The following LYRM4 variants were observed in gnomAD, a reference collection of about 807,000 sequenced individuals.
LYRM4 encodes LYR motif containing 4.
In LYRM4, 9 loss-of-function variants were observed where a neutral mutation model predicts 11.7. That is an observed-to-expected ratio of 0.77 (90% CI 0.46 to 1.34). The LOEUF (loss-of-function observed/expected upper bound fraction) is 1.34, where lower values mean the gene tolerates loss of function less well. LYRM4 is among the 40% of genes most tolerant of loss of function. The pLI is 0.00. For synonymous variants in LYRM4, 42 were observed against 40.4 expected, an observed-to-expected ratio of 1.04 and a Z score of -0.15; for missense variants, 133 against 112.5, an observed-to-expected ratio of 1.18 and a Z score of -0.82.
At chr6:5,102,494 C>G (rs147818163), downstream of LYRM4, 1 of 152,264 alleles carries the variant, frequency 6.6e-6, no homozygotes, top group East Asian at 1.9e-4. Flanking sequence ...ACAGGAAGTT[C>G]TAGTGAAATG....
rs1355503215 is a variant in LYRM4 at position 5,163,052 on chromosome 6, AAT to A, written c.208-53563_208-53562del. Among the ~76,000 whole-genome samples the A allele has an allele frequency of 3.3e-5, 5 of 152,134 alleles. No homozygotes were observed. In the East Asian group the frequency reaches 9.6e-4, roughly 29 times the overall value. On this transcript the variant is annotated intron_variant, in intron 2 of 2. Transcript: ENST00000330636. ...CATTCTACTTTTTCATTCTCTCAATAATAGTTACTCTGATACCATAATTTTAA... is the reference window on the plus strand; with the variant it reads ...CATTCTACTTTTTCATTCTCTCAATAAGTTACTCTGATACCATAATTTTAA...
chr6:5,166,528 A>G (rs1163603500), intron 2 of LYRM4, among the ~76,000 whole-genome samples: 2 of 152,232 alleles, frequency 1.3e-5, no homozygotes, highest in Non-Finnish European at 2.9e-5. Flanking sequence ...GCCTTTTCCT[A>G]CTTGTCCTAT....
At chr6:5,230,130 G>C (rs954126397) in intron 1 of LYRM4, among the ~76,000 whole-genome samples, 1 of 152,124 alleles carries the variant, frequency 6.6e-6, no homozygotes, top group Non-Finnish European at 1.5e-5. Context: ...TTTTTTGTTG[G>C]GTTTTAGACG....
At chr6:5,175,896 A>T (rs943916610) in intron 2 of LYRM4, among the ~76,000 whole-genome samples, 3 of 152,076 alleles carry the variant, frequency 2.0e-5, no homozygotes, top group African/African-American at 7.2e-5. Flanking sequence ...GCTGCTGCTG[A>T]TCCTGGCCTA....
At chr6:5,202,974 C>G (rs1404968430) in intron 2 of LYRM4, among the ~76,000 whole-genome samples, 1 of 152,106 alleles carries the variant, frequency 6.6e-6, no homozygotes, top group Non-Finnish European at 1.5e-5. Context: ...CAGCCCTAGT[C>G]TCCAAGGAGA....
At position 5,109,392 on chromosome 6, in the gene LYRM4, T is replaced by C. The variant is rs904668148; in HGVS notation, c.*31A>G. ...GAGAGTGGATGCTGAAGGTGGTCCCTGGCCGCCACTGGTGGCTGGTCCCCG... is the reference window on the plus strand; with the variant it reads ...GAGAGTGGATGCTGAAGGTGGTCCCCGGCCGCCACTGGTGGCTGGTCCCCG... On this transcript the variant is annotated 3_prime_UTR_variant, in exon 3 of 3. Transcript: ENST00000330636. 1.2e-6 allele frequency: 2 copies of C among 1,613,546 alleles called. No individual in the cohort carries two copies. The highest frequency in any genetic ancestry group is 1.3e-5 in the African/African-American group (1 of 74,932).
chr6:5,139,042 T>A (rs17139533), intron 2 of LYRM4, among the ~76,000 whole-genome samples: 16,806 of 152,312 alleles, frequency 0.11, 1,051 homozygotes, highest in South Asian at 0.23. Context: ...TACTATGTTC[T>A]AGGCACTTAT....
At chr6:5,166,621 T>G (rs1759102852) in intron 2 of LYRM4, among the ~76,000 whole-genome samples, 1 of 152,102 alleles carries the variant, frequency 6.6e-6, no homozygotes, top group Non-Finnish European at 1.5e-5. Context: ...TTGGGATGTA[T>G]ATTATCATCA....
intron 2 of LYRM4, among the ~76,000 whole-genome samples, chr6:5,180,514 G>A (rs1760006934): frequency 6.6e-6 from 1 of 152,136 alleles, no homozygotes; most frequent in African/African-American, 2.4e-5. Context: ...GTTGCAGCTT[G>A]GATCTCACCA....
the LYRM4 span, among the ~76,000 whole-genome samples, chr6:5,081,581 G>C: frequency 6.6e-6 from 1 of 152,110 alleles, no homozygotes; most frequent in Admixed American, 6.6e-5. Flanking sequence ...GCTCAGTCCT[G>C]GGCCCTCTTC....
At chr6:5,225,241 C>A (rs1762811933) in intron 1 of LYRM4, among the ~76,000 whole-genome samples, 1 of 134,888 alleles carries the variant, frequency 7.4e-6, no homozygotes, top group African/African-American at 2.9e-5. Flanking sequence ...GAGCAAGACT[C>A]CGAATCAAAA....
the LYRM4 span, among the ~76,000 whole-genome samples, chr6:5,079,771 G>GAA: frequency 6.6e-6 from 1 of 152,222 alleles, no homozygotes; most frequent in Non-Finnish European, 1.5e-5. Flanking sequence ...TCAAATGGTT[G>GAA]AGACTCATTG....
In LYRM4 at chr6:5,260,842, G is replaced by A; in HGVS notation, c.-109C>T. Reference sequence around the variant, plus strand: ...AACCACGAACGAAATAAAATGCTGCGGCTCGGCTTTGCCAGCGGGCCGGGC... The same window carrying A: ...AACCACGAACGAAATAAAATGCTGCAGCTCGGCTTTGCCAGCGGGCCGGGC... On this transcript the variant is annotated 5_prime_UTR_variant, in exon 1 of 3. Coordinates refer to ENST00000330636, the MANE Select transcript of LYRM4 (RefSeq NM_020408.6). 1.3e-6 allele frequency: 2 copies of A among 1,506,178 alleles called. No individual in the cohort carries two copies. The highest frequency in any genetic ancestry group is 1.8e-6 in the Non-Finnish European group (2 of 1,133,514). The allele number at this position is 1,506,178 out of a possible 1,614,324, so 93.3% of individuals were successfully genotyped here. A position where few individuals can be genotyped will look rare whatever the true frequency, so the allele number is the denominator to read the frequency against.
chr6:5,219,497 T>C (rs749863543), intron 1 of LYRM4, among the ~76,000 whole-genome samples: 1 of 152,242 alleles, frequency 6.6e-6, no homozygotes, highest in Non-Finnish European at 1.5e-5. Flanking sequence ...AGTGTTATTC[T>C]TCGCCCTAAG....
At chr6:5,166,896 G>A (rs1759118312) in intron 2 of LYRM4, among the ~76,000 whole-genome samples, 1 of 152,140 alleles carries the variant, frequency 6.6e-6, no homozygotes, top group Non-Finnish European at 1.5e-5. Flanking sequence ...ATATACACCT[G>A]AAACTTGTCA....
At chr6:5,211,821 G>A (rs1020328352) in intron 2 of LYRM4, among the ~76,000 whole-genome samples, 1 of 152,136 alleles carries the variant, frequency 6.6e-6, no homozygotes, top group African/African-American at 2.4e-5. Flanking sequence ...CAAATACTTA[G>A]ATTTTGCTGA....
At chr6:5,059,820 G>A in the LYRM4 span, among the ~76,000 whole-genome samples, 1 of 147,990 alleles carries the variant, frequency 6.8e-6, no homozygotes, top group East Asian at 2.0e-4. Context: ...TTTTTTAAGA[G>A]ACAGGGGTCT....
At chr6:5,229,487 G>T (rs1290165628) in intron 1 of LYRM4, among the ~76,000 whole-genome samples, 1 of 151,248 alleles carries the variant, frequency 6.6e-6, no homozygotes, top group Non-Finnish European at 1.5e-5. Flanking sequence ...AGGGAGAGAA[G>T]AACTCTCTCC....
At chr6:5,210,369 G>A (rs1321578432) in intron 2 of LYRM4, among the ~76,000 whole-genome samples, 1 of 151,954 alleles carries the variant, frequency 6.6e-6, no homozygotes, top group East Asian at 1.9e-4. Flanking sequence ...GGGCTCGCGG[G>A]TGTAAATTCA....
Sources: allele counts gnomAD v4.1 joint callset (sites outside exome capture counted in the v4.1 genomes callset), GRCh38; gene constraint gnomAD v4.1.1; transcripts MANE v1.5; gene names NCBI Gene and HGNC (gene_info 2026-07-23, HGNC 2026-07-21).